USP53: variants seen among roughly 807,000 people sequenced by gnomAD.
The protein encoded by USP53 is ubiquitin carboxyl-terminal hydrolase 53.
A neutral mutation model predicts 94.9 loss-of-function variants in USP53; 71 were observed. The ratio of observed to expected loss-of-function variants is 0.75; its 90% CI spans 0.62 to 0.91. The LOEUF (loss-of-function observed/expected upper bound fraction) is 0.91. Among genes scored for constraint, USP53 ranks in the 40% least tolerant of loss-of-function variants. The pLI is 0.00. For synonymous variants in USP53, 375 were observed against 422.7 expected, an observed-to-expected ratio of 0.89 and a Z score of 1.39; for missense variants, 1,173 against 1,281.0, an observed-to-expected ratio of 0.92 and a Z score of 1.29.
chr4:119,245,085 T>C (rs1163303706), intron 5 of USP53, among the ~76,000 whole-genome samples: 5 of 152,254 alleles, frequency 3.3e-5, no homozygotes, highest in Admixed American at 6.5e-5. Context: ...CCCTGCTCCA[T>C]GCTTGTCATA....
At position 119,271,798 on chromosome 4, in the gene USP53, G is replaced by A. The variant is rs768415348; in HGVS notation, c.1938G>A (p.Met646Ile). The change falls in exon 16 of 19, where the codon ATG (methionine) becomes ATA (isoleucine). Residue 646 changes from methionine (M) to isoleucine (I), a missense_variant. Transcript: ENST00000692078. Reference sequence around the variant, plus strand: ...TAATGACCATATATGAAGATGAAATGAAGCAGGAAATAGGAAGCAGAAGTT... The same window carrying A: ...TAATGACCATATATGAAGATGAAATAAAGCAGGAAATAGGAAGCAGAAGTT... ...KGLMTIYEDE[M>I]KQEIGSRSSL... is the part of the protein sequence containing the mutation. The A allele has an allele frequency of 1.9e-6, 3 of 1,612,468 alleles. No homozygotes were observed. In the South Asian group the frequency reaches 3.3e-5, roughly 18 times the overall value.
chr4:119,290,585 T>TA (rs1285882982), intron 17 of USP53, among the ~76,000 whole-genome samples: 18 of 152,330 alleles, frequency 1.2e-4, no homozygotes, highest in Non-Finnish European at 2.1e-4. Context: ...ACAACTTGAG[T>TA]AAGCAGTCAA....
chr4:119,239,589 A>T lies in USP53; in HGVS notation c.-171A>T. The T allele has an allele frequency of 1.4e-6, 1 of 697,860 alleles. No homozygotes were observed. The highest frequency in any genetic ancestry group is 2.2e-6 in the Non-Finnish European group (1 of 457,378). 43.2% of individuals were successfully genotyped at this position (697,860 alleles called of 1,614,324 possible). On this transcript the variant is annotated 5_prime_UTR_variant, in exon 5 of 19. Transcript: ENST00000692078. ...TTTATGCACCCTATTGTTACTTGTCAGAGTCTTTAAGAGTTTATAACATCA... is the reference window on the plus strand; with the variant it reads ...TTTATGCACCCTATTGTTACTTGTCTGAGTCTTTAAGAGTTTATAACATCA...
chr4:119,281,179 C>A (rs1032178791), intron 17 of USP53, among the ~76,000 whole-genome samples: 4 of 152,048 alleles, frequency 2.6e-5, no homozygotes, highest in Non-Finnish European at 4.4e-5. Context: ...GATATTTGAA[C>A]GTATACAGGA....
At position 119,239,768 on chromosome 4, in the gene USP53, G is replaced by A; in HGVS notation, c.9G>A (p.Trp3Ter). MA[W>*]VKFLRKPGGN... ...AACAAAGTTGCTTGAAAATGGCATGGGTAAAATTCTTACGGAAACCTGGTG... is the reference window on the plus strand; with the variant it reads ...AACAAAGTTGCTTGAAAATGGCATGAGTAAAATTCTTACGGAAACCTGGTG... Residue 3 changes from tryptophan (W) to a stop codon, truncating the protein, a stop_gained, in exon 5 of 19, where the codon TGG (tryptophan) becomes TGA (stop). Coordinates refer to ENST00000692078, the MANE Select transcript of USP53 (RefSeq NM_001371395.1). LOFTEE classifies it high-confidence loss of function. 6.2e-7 allele frequency: 1 copy of A among 1,610,292 alleles called. No individual in the cohort carries two copies. The highest frequency in any genetic ancestry group is 2.2e-5 in the East Asian group (1 of 44,818).
chr4:119,246,869 A>G (rs1289679341), intron 6 of USP53, among the ~76,000 whole-genome samples: 1 of 152,200 alleles, frequency 6.6e-6, no homozygotes, highest in East Asian at 1.9e-4. Flanking sequence ...AGATTTTGTT[A>G]TACATTTTAG....
In USP53 at chr4:119,291,220, C is replaced by T; in HGVS notation, c.2307C>T (p.His769=). The T allele has an allele frequency of 6.7e-7, 1 of 1,496,358 alleles. No individual in the cohort carries two copies. Among genetic ancestry groups the T allele is most frequent in the Non-Finnish European group, 9.0e-7 (1 of 1,109,704 alleles). 92.7% of individuals were successfully genotyped at this position (1,496,358 alleles called of 1,614,324 possible). A position where few individuals can be genotyped will look rare whatever the true frequency, so the allele number is the denominator to read the frequency against. The part of the protein sequence containing the change: ...LEAGYKSHEF[H]PESHLQIKNH... Reference sequence around the variant, plus strand: ...CAGGCTATAAATCTCATGAATTCCACCCAGAATCACATTTACAAATAAAAA... The same window carrying T: ...CAGGCTATAAATCTCATGAATTCCATCCAGAATCACATTTACAAATAAAAA... The change falls in exon 18 of 19, where the codon CAC becomes CAT. Residue 769 remains histidine, a synonymous_variant. Transcript: ENST00000692078.
At chr4:119,219,351 G>A (rs556411807) in intron 3 of USP53, 1 of 152,356 alleles carries the variant, frequency 6.6e-6, no homozygotes, top group African/African-American at 2.4e-5. Flanking sequence ...TTCATCTTTG[G>A]TGTTCCTTGA....
At chr4:119,218,571 T>C (rs191803343) in intron 3 of USP53, 83 of 152,296 alleles carry the variant, frequency 5.4e-4, no homozygotes, top group African/African-American at 1.9e-3. Context: ...TTCTTATTAA[T>C]TTTATTTTCT....
rs1743348812 is a variant in USP53 at position 119,214,080 on chromosome 4, A to G, written c.-931A>G. 6.6e-6 allele frequency: 1 copy of G among 150,382 alleles called. No individual in the cohort carries two copies. The highest frequency in any genetic ancestry group is 2.4e-5 in the African/African-American group (1 of 40,868). 9.3% of individuals were successfully genotyped at this position (150,382 alleles called of 1,614,324 possible). ...TTCTGTTCTTTTCAGTTCCGTGATG[A>G]TGGTCTAAGCAAAGACCCTTCGTCC... On this transcript the variant is annotated 5_prime_UTR_variant, in exon 2 of 19. The change abolishes an upstream ATG in the 5' untranslated region. Coordinates refer to ENST00000692078, the MANE Select transcript of USP53 (RefSeq NM_001371395.1).
At chr4:119,243,264 A>G (rs1411577943) in intron 5 of USP53, among the ~76,000 whole-genome samples, 2 of 152,138 alleles carry the variant, frequency 1.3e-5, no homozygotes, top group Non-Finnish European at 2.9e-5. Context: ...TTGGGAGGCC[A>G]AGGTGGGTGG....
intron 3 of USP53, chr4:119,219,684 A>G (rs1578403872): frequency 6.6e-6 from 1 of 152,370 alleles, no homozygotes; most frequent in African/African-American, 2.4e-5. Flanking sequence ...ATATAGTGTC[A>G]TCCCCTTTTG....
intron 6 of USP53, among the ~76,000 whole-genome samples, chr4:119,246,351 C>G (rs534169633): frequency 2.6e-4 from 40 of 152,276 alleles, no homozygotes; most frequent in Non-Finnish European, 2.1e-4. Context: ...AGTGAGCCAC[C>G]ATGATGAGGA....
intron 3 of USP53, among the ~76,000 whole-genome samples, chr4:119,222,111 G>A (rs62326359): frequency 0.35 from 52,531 of 151,874 alleles, 9,180 homozygotes; most frequent in African/African-American, 0.38. Flanking sequence ...GTGGATATAG[G>A]TTTAGTTTTT....
chr4:119,290,986 C>T (rs1349004511), intron 17 of USP53, among the ~76,000 whole-genome samples, 179 bp from the exon 18 acceptor site: 1 of 151,962 alleles, frequency 6.6e-6, no homozygotes, highest in African/African-American at 2.4e-5. Context: ...TAAAGCATTC[C>T]AAAAAGAACT....
At chr4:119,258,841 G>A (rs960276212) in intron 9 of USP53, among the ~76,000 whole-genome samples, 2 of 152,172 alleles carry the variant, frequency 1.3e-5, no homozygotes, top group Admixed American at 6.5e-5. Flanking sequence ...TACAATTCAA[G>A]ATGAGATTTG....
chr4:119,283,504 G>C (rs963061405), intron 17 of USP53, among the ~76,000 whole-genome samples: 1 of 151,852 alleles, frequency 6.6e-6, no homozygotes, highest in African/African-American at 2.4e-5. Context: ...GGATAAATTT[G>C]GGACAGTGGG....
chr4:119,292,432 G>A lies in USP53; in HGVS notation c.2443G>A (p.Asp815Asn). 1 of 1,614,002 alleles carries A rather than the reference G, an allele frequency of 6.2e-7. No individual in the cohort carries two copies. The highest frequency in any genetic ancestry group is 8.5e-7 in the Non-Finnish European group (1 of 1,179,928). The change falls in exon 19 of 19, where the codon GAT becomes AAT. Residue 815 changes from aspartate (D) to asparagine (N), a missense_variant. Asp to Asn is a conservative substitution (Grantham distance 23, BLOSUM62 1). Coordinates refer to ENST00000692078, the MANE Select transcript of USP53 (RefSeq NM_001371395.1). ...HNAREHIHQS[D>N]EQKLEKPNEC... is the part of the protein sequence containing the mutation. ...TGCAAGAGAACATATCCACCAGTCA[G>A]ATGAACAGAAACTTGAAAAACCGAA...
At position 119,292,348 on chromosome 4, in the gene USP53, C is replaced by G; in HGVS notation, c.2359C>G (p.His787Asp). ...ATTTTCATATTTCAGATCACATGTA[C>G]ATGAAGACAATGGAAAGTTATTTCC... Reference protein sequence around the residue: ...KNHLIKRSHVHEDNGKLFPSS... With the variant: ...KNHLIKRSHVDEDNGKLFPSS... Residue 787 changes from histidine (H) to aspartate (D), a missense_variant, in exon 19 of 19, where the codon CAT becomes GAT. By Grantham distance (81) the His-to-Asp change is moderately conservative. Coordinates refer to ENST00000692078, the MANE Select transcript of USP53 (RefSeq NM_001371395.1). The G allele has an allele frequency of 6.3e-7, 1 of 1,598,536 alleles. No homozygotes were observed. The highest frequency in any genetic ancestry group is 1.1e-5 in the South Asian group (1 of 88,110).
Sources: gnomAD v4.1 joint callset for allele counts (sites outside exome capture counted in the v4.1 genomes callset) on GRCh38, gnomAD v4.1.1 for gene constraint, MANE v1.5 for transcripts, NCBI Gene and HGNC (gene_info 2026-07-23, HGNC 2026-07-21) for gene names.